The following ZNF425 variants were observed in gnomAD, a reference collection of about 807,000 sequenced individuals.
ZNF425 encodes the protein zinc finger protein 425.
A neutral mutation model predicts 17.0 loss-of-function variants in ZNF425; 21 were observed. The ratio of observed to expected loss-of-function variants is 1.23; its 90% CI spans 0.88 to 1.78. The LOEUF is 1.78. ZNF425 is among the 40% of genes most tolerant of loss of function. The pLI is 0.00. For synonymous variants in ZNF425, 433 were observed against 384.1 expected (o/e 1.13, Z -1.49); for missense variants, 868 against 967.3 (o/e 0.90, Z 1.36).
intron 3 of ZNF425, 21 bp from the exon 4 acceptor site, chr7:149,105,587 A>G (rs1826067542): frequency 6.7e-7 from 1 of 1,493,476 alleles, no homozygotes; most frequent in South Asian, 1.4e-5. Context: ...AAGAAGTATC[A>G]CTCTCATCAG....
At position 149,107,835 on chromosome 7, in the gene ZNF425, CATTTATTTATTTATTTATTT is replaced by C. The variant is rs55746271; in HGVS notation, c.305-2289_305-2270del. Among the ~76,000 whole-genome samples, 64 of 138,052 alleles carry C rather than the reference CATTTATTTATTTATTTATTT, an allele frequency of 4.6e-4. 2 individuals carry two copies. The South Asian group carries it at 0.013, about 29-fold the overall frequency. The allele number at this position is 138,052 out of a possible 152,430, so 90.6% of individuals were successfully genotyped here. On this transcript the variant is annotated intron_variant, in intron 3 of 3. Coordinates refer to ENST00000378061, the MANE Select transcript of ZNF425 (RefSeq NM_001001661.3). The stretch of plus-strand genomic sequence containing the variant: ...CGAACTGGATAATGGAACTCTCTCC[CATTTATTTATTTATTTATTT>C]ATTTATTTATTTATTTATTTATTTT...
intron 3 of ZNF425, among the ~76,000 whole-genome samples, chr7:149,106,522 C>T (rs1382941389): frequency 6.6e-6 from 1 of 152,156 alleles, no homozygotes; most frequent in African/African-American, 2.4e-5. Flanking sequence ...AGGCATGAGC[C>T]ACCGTGCCTA....
rs748573008 is a variant in ZNF425 at position 149,105,426 on chromosome 7, G to A, written c.445C>T (p.Arg149Ter). Residue 149 changes from arginine (R) to a stop codon, truncating the protein, a stop_gained, in exon 4 of 4, where the codon CGA (arginine) becomes TGA (stop). Transcript: ENST00000378061. LOFTEE classifies it low-confidence loss of function (END_TRUNC). ...TTTTTATTTAGAATCTCTGTTTCTC[G>A]GAGACTTGGAGACTGGAAGGTGGCT... The part of the protein sequence containing the change: ...QTATFQSPSL[R>*]ETEILNKKVS... The A allele has an allele frequency of 6.4e-6, 10 of 1,555,956 alleles. No homozygotes were observed. Among genetic ancestry groups the A allele is most frequent in the Non-Finnish European group, 8.6e-6 (10 of 1,156,220 alleles).
chr7:149,112,989 T>A (rs1344746931), intron 2 of ZNF425, among the ~76,000 whole-genome samples: 6 of 148,492 alleles, frequency 4.0e-5, no homozygotes, highest in Non-Finnish European at 7.5e-5. Flanking sequence ...TTTTTTTTTT[T>A]TTTTTTAGAC....
At chr7:149,120,868 A>G (rs985595764) in intron 1 of ZNF425, among the ~76,000 whole-genome samples, 1 of 152,118 alleles carries the variant, frequency 6.6e-6, no homozygotes, top group Non-Finnish European at 1.5e-5. Context: ...TTAGCCATTC[A>G]CCTACTGAGA....
Position 149,111,210 on chromosome 7 carries a change from A to G in ZNF425, c.304+927T>C, listed in dbSNP as rs370079333. ...CACGTCTATAATCCCAGCACTTTGGAAGAGCAAATGGGTGGATCACTTGAG... is the reference window on the plus strand; with the variant it reads ...CACGTCTATAATCCCAGCACTTTGGGAGAGCAAATGGGTGGATCACTTGAG... On this transcript the variant is annotated intron_variant, in intron 3 of 3. Transcript: ENST00000378061. Among the ~76,000 whole-genome samples, 4 of 151,616 alleles carry G rather than the reference A, an allele frequency of 2.6e-5. No individual in the cohort carries two copies. The East Asian group carries it at 5.9e-4, about 22-fold the overall frequency.
At chr7:149,115,006 C>G (rs147450376) in intron 2 of ZNF425, among the ~76,000 whole-genome samples, 6,633 of 139,490 alleles carry the variant, frequency 0.048, 505 homozygotes, top group African/African-American at 0.17. Flanking sequence ...GTGATCTTGG[C>G]TCACTGCAAC....
intron 3 of ZNF425, among the ~76,000 whole-genome samples, chr7:149,106,592 C>T (rs77128168): frequency 0.033 from 5,004 of 152,240 alleles, 278 homozygotes; most frequent in African/African-American, 0.11. Flanking sequence ...CCACTGATCT[C>T]AATGACTTTG....
chr7:149,110,040 C>T (rs61255948), intron 3 of ZNF425, among the ~76,000 whole-genome samples: 6,791 of 151,824 alleles, frequency 0.045, 517 homozygotes, highest in African/African-American at 0.15. Flanking sequence ...CCACACCTGA[C>T]TAATTTTTGT....
chr7:149,104,080 G>GC lies in ZNF425; in HGVS notation c.1790_1791insG (p.Thr598HisfsTer17). 1 of 1,613,018 alleles carries GC rather than the reference G, an allele frequency of 6.2e-7. No homozygotes were observed. The highest frequency in any genetic ancestry group is 8.5e-7 in the Non-Finnish European group (1 of 1,179,972). On this transcript the variant is annotated frameshift_variant, in exon 4 of 4. Coordinates refer to ENST00000378061, the MANE Select transcript of ZNF425 (RefSeq NM_001001661.3). LOFTEE classifies it low-confidence loss of function (END_TRUNC). The surrounding 1 kb of genome is among the most constrained non-coding windows in gnomAD (Gnocchi z 4.3). ...CACTGTGCAGCCTCAGGTGCTCGGT[G>GC]AGCTGAGACTGATGCGTGTAGGTCT...
chr7:149,109,298 C>T (rs564062565), intron 3 of ZNF425, among the ~76,000 whole-genome samples: 18 of 152,094 alleles, frequency 1.2e-4, no homozygotes, highest in African/African-American at 3.9e-4. Context: ...AGGCTGGTCT[C>T]GATCTCTCGA....
chr7:149,105,538 T>C lies in ZNF425; in HGVS notation c.333A>G (p.Glu111=). The C allele has an allele frequency of 6.6e-7, 1 of 1,514,544 alleles. No individual in the cohort carries two copies. The highest frequency in any genetic ancestry group is 8.8e-7 in the Non-Finnish European group (1 of 1,135,670). 93.8% of individuals were successfully genotyped at this position (1,514,544 alleles called of 1,614,324 possible). A position where few individuals can be genotyped will look rare whatever the true frequency, so the allele number is the denominator to read the frequency against. Residue 111 remains glutamate (E), a synonymous_variant, in exon 4 of 4, where the codon GAA becomes GAG. Coordinates refer to ENST00000378061, the MANE Select transcript of ZNF425 (RefSeq NM_001001661.3). ...GAGGACCATTTAAACGGCAATCCTC[T>C]TCTTTTGTCCTGGGAGTTCCTTCGT... The part of the protein sequence containing the change: ...FDDEGTPRTK[E]EDCRLNGPQK...
chr7:149,124,386 A>T (rs934894197), intron 1 of ZNF425, among the ~76,000 whole-genome samples: 5 of 151,622 alleles, frequency 3.3e-5, no homozygotes, highest in Non-Finnish European at 7.4e-5. Flanking sequence ...CGATCTCCTG[A>T]CCTCATGATC....
chr7:149,120,511 T>G (rs1357064491), intron 1 of ZNF425, among the ~76,000 whole-genome samples: 1 of 152,264 alleles, frequency 6.6e-6, no homozygotes, highest in Non-Finnish European at 1.5e-5. Flanking sequence ...TATAGTCATG[T>G]GCCACACGAT....
At chr7:149,122,719 G>T (rs112318034) in intron 1 of ZNF425, among the ~76,000 whole-genome samples, 2 of 151,880 alleles carry the variant, frequency 1.3e-5, no homozygotes, top group East Asian at 3.9e-4. Flanking sequence ...TTTTGTACAC[G>T]GAGTCTCGTT....
intron 1 of ZNF425, among the ~76,000 whole-genome samples, chr7:149,124,265 C>T (rs1419775576): frequency 6.6e-6 from 1 of 151,396 alleles, no homozygotes; most frequent in Non-Finnish European, 1.5e-5. Context: ...ACGCCGTTCT[C>T]CTGCCTCAGC....
At chr7:149,112,973 C>CTTTTTT (rs35291501) in intron 2 of ZNF425, among the ~76,000 whole-genome samples, 3 of 123,984 alleles carry the variant, frequency 2.4e-5, no homozygotes, top group African/African-American at 6.6e-5. Flanking sequence ...CCCCGTGACC[C>CTTTTTT]TTTTTTTTTT....
At chr7:149,124,009 G>A (rs577086386) in intron 1 of ZNF425, among the ~76,000 whole-genome samples, 78 of 150,296 alleles carry the variant, frequency 5.2e-4, no homozygotes, top group Non-Finnish European at 8.4e-4. Flanking sequence ...CACCACACCC[G>A]GCTAATTTTT....
Position 149,104,383 on chromosome 7 carries a change from C to G in ZNF425, c.1488G>C (p.Lys496Asn), listed in dbSNP as rs1826036824. 6.2e-7 allele frequency: 1 copy of G among 1,610,070 alleles called. No homozygotes were observed. Among genetic ancestry groups the G allele is most frequent in the African/African-American group, 1.3e-5 (1 of 74,970 alleles). Residue 496 changes from lysine (K) to asparagine (N), a missense_variant, in exon 4 of 4, where the codon AAG (lysine) becomes AAC (asparagine). By Grantham distance (94) the Lys-to-Asn change is moderately conservative (BLOSUM62 0). Coordinates refer to ENST00000378061, the MANE Select transcript of ZNF425 (RefSeq NM_001001661.3). The surrounding 1 kb of genome is among the most constrained non-coding windows in gnomAD (Gnocchi z 4.3). ...TTTTGCACTCGCCGCAGGGAAACTC[C>G]TTCTGCCTGTCGTGGACTCTGGTGT... ...ACHTRVHDRQKEFPCGECKKT... is the reference protein window; with the variant it reads ...ACHTRVHDRQNEFPCGECKKT...
Sources: gnomAD v4.1 joint callset for allele counts (sites outside exome capture counted in the v4.1 genomes callset) on GRCh38, gnomAD v4.1.1 for gene constraint, Gnocchi (gnomAD v3.1) non-coding constraint, MANE v1.5 for transcripts, NCBI Gene and HGNC (gene_info 2026-07-23, HGNC 2026-07-21) for gene names.